CCDC50: variants seen among roughly 807,000 people sequenced by gnomAD.
CCDC50 encodes the protein coiled-coil domain containing 50.
CCDC50 carries 54 observed loss-of-function variants against 70.2 expected under a neutral mutation model. The ratio of observed to expected loss-of-function variants is 0.77; its 90% confidence interval spans 0.62 to 0.96. The LOEUF (loss-of-function observed/expected upper bound fraction) is 0.96. CCDC50 is among the 50% of genes least tolerant of loss of function. CCDC50 has a pLI of 0.00. For synonymous variants in CCDC50, 216 were observed against 198.8 expected, an observed-to-expected ratio of 1.09 and a Z score of -0.73; for missense variants, 558 against 578.7, an observed-to-expected ratio of 0.96 and a Z score of 0.37.
In CCDC50 at chr3:191,375,239, C is replaced by A. The variant is rs115771997; in HGVS notation, c.626C>A (p.Ser209Ter). Residue 209 changes from serine to a stop codon, truncating the protein, a stop_gained, in exon 6 of 12, where the codon TCG becomes TAG. Transcript: ENST00000392455. LOFTEE classifies it high-confidence loss of function. Reference sequence around the variant, plus strand: ...AAGAGATCCCTGTCATCCTCTAGCTCGGGCAAAGGGAGGGACAATCCCCAT... The same window carrying A: ...AAGAGATCCCTGTCATCCTCTAGCTAGGGCAAAGGGAGGGACAATCCCCAT... ...SSKRSLSSSS[S>*]GKGRDNPHIN... The A allele has an allele frequency of 3.1e-6, 5 of 1,613,572 alleles. No homozygotes were observed. The African/African-American group carries it at 6.7e-5, about 22-fold the overall frequency.
chr3:191,380,375 G>T, intron 7 of CCDC50, 101 bp downstream of exon 7: 4 of 809,560 alleles, frequency 4.9e-6, no homozygotes, highest in Non-Finnish European at 8.5e-6. Context: ...TATCAATTGA[G>T]AAACCTTTTT....
At chr3:191,358,848 A>G (rs1218009259) in intron 3 of CCDC50, among the ~76,000 whole-genome samples, 1 of 152,216 alleles carries the variant, frequency 6.6e-6, no homozygotes, top group African/African-American at 2.4e-5. Context: ...GGGTAAAGGA[A>G]AAATGGAAGG....
intron 1 of CCDC50, among the ~76,000 whole-genome samples, chr3:191,354,263 C>T (rs1285967127): frequency 1.3e-5 from 2 of 152,024 alleles, no homozygotes; most frequent in African/African-American, 4.8e-5. Flanking sequence ...CAGAATGGCT[C>T]ATGCAGCTAA....
chr3:191,375,066 A>G lies in CCDC50; in HGVS notation c.453A>G (p.Gln151=), dbSNP rs749468083. The change falls in exon 6 of 12, where the codon CAA becomes CAG. Residue 151 remains glutamine, a synonymous_variant. Coordinates refer to ENST00000392455, the MANE Select transcript of CCDC50 (RefSeq NM_178335.3). ...CATCCCTCTGCCTCCACTCAGACCA[A>G]CCAGGGTCAAGGAGGGCCAGGGAAT... The part of the protein sequence containing the change: ...ADSYYYEDGD[Q]PGSRRARELG... The G allele has an allele frequency of 2.5e-6, 4 of 1,613,350 alleles. No homozygotes were observed. The highest frequency in any genetic ancestry group is 2.2e-5 in the East Asian group (1 of 44,870).
chr3:191,372,161 G>C (rs1176844281), intron 5 of CCDC50, among the ~76,000 whole-genome samples: 1 of 152,136 alleles, frequency 6.6e-6, no homozygotes, highest in Non-Finnish European at 1.5e-5. Flanking sequence ...TAAGAATTAA[G>C]TGGTTTTTCA....
At chr3:191,365,457 T>C (rs1712651928) in intron 4 of CCDC50, among the ~76,000 whole-genome samples, 1 of 152,158 alleles carries the variant, frequency 6.6e-6, no homozygotes, top group Non-Finnish European at 1.5e-5. Context: ...GTATTATAAA[T>C]ATGACTAGAA....
chr3:191,356,851 A>G (rs1261298198), intron 1 of CCDC50, among the ~76,000 whole-genome samples: 1 of 152,228 alleles, frequency 6.6e-6, no homozygotes, highest in Admixed American at 6.5e-5. Flanking sequence ...CCAGGGGCCA[A>G]GGCTAACCAG....
chr3:191,384,675 C>T (rs1369832791), intron 10 of CCDC50, among the ~76,000 whole-genome samples: 1 of 151,370 alleles, frequency 6.6e-6, no homozygotes, highest in Non-Finnish European at 1.5e-5. Context: ...CAAAAATTGC[C>T]ATTTTTATTT....
intron 10 of CCDC50, among the ~76,000 whole-genome samples, chr3:191,388,160 CAG>C (rs1310161550): frequency 1.3e-5 from 2 of 151,466 alleles, no homozygotes; most frequent in Admixed American, 6.6e-5. Flanking sequence ...ATATATAAAA[CAG>C]ATGCATGAAA....
At chr3:191,338,156 C>T (rs753458040) in intron 1 of CCDC50, among the ~76,000 whole-genome samples, 19 of 152,170 alleles carry the variant, frequency 1.2e-4, no homozygotes, top group African/African-American at 4.6e-4. Context: ...CCCTCTTCAC[C>T]GCTTCCCCAT....
intron 6 of CCDC50, among the ~76,000 whole-genome samples, chr3:191,376,767 G>T (rs1231438908): frequency 2.6e-5 from 4 of 152,084 alleles, no homozygotes; most frequent in Admixed American, 2.6e-4. Context: ...ATAAAGAGCT[G>T]CGGAAAAATA....
Position 191,392,478 on chromosome 3 carries a change from T to C in CCDC50, c.*718T>C, listed in dbSNP as rs1432200539. On this transcript the variant is annotated 3_prime_UTR_variant, in exon 12 of 12. Coordinates refer to ENST00000392455, the MANE Select transcript of CCDC50 (RefSeq NM_178335.3). ...GTTCTCTGAAATTTTAACTCATATA[T>C]ATGAAAAACTTTGTATTCCATCTCT... is the stretch of plus-strand genomic sequence containing the variant. The C allele has an allele frequency of 6.6e-6, 1 of 152,226 alleles. No homozygotes were observed. The highest frequency in any genetic ancestry group is 2.4e-5 in the African/African-American group (1 of 41,460). 9.4% of individuals were successfully genotyped at this position (152,226 alleles called of 1,614,324 possible).
chr3:191,358,251 T>G (rs1442580284), intron 3 of CCDC50, 127 bp downstream of exon 3: 1 of 1,210,792 alleles, frequency 8.3e-7, no homozygotes, highest in Non-Finnish European at 1.2e-6. Flanking sequence ...TTACAAATCT[T>G]ACCCTGGATG....
intron 4 of CCDC50, among the ~76,000 whole-genome samples, chr3:191,365,893 T>A (rs7642387): frequency 0.32 from 48,283 of 151,988 alleles, 7,679 homozygotes; most frequent in Non-Finnish European, 0.32. Context: ...AAAATCCAAA[T>A]TCCAAAATGT....
At chr3:191,331,198 C>T (rs542920522) in intron 1 of CCDC50, among the ~76,000 whole-genome samples, 2 of 152,022 alleles carry the variant, frequency 1.3e-5, no homozygotes. Flanking sequence ...GTGTGTAGTG[C>T]ATGGTGAGTA....
chr3:191,370,026 T>C lies in CCDC50; in HGVS notation c.438T>C (p.Tyr146=). The part of the protein sequence containing the change: ...ATRAYADSYY[Y]EDGDQPGSRR... ...GTGCTTATGCAGATAGTTACTATTA[T>C]GAAGATGGAGGTAACAATTCCTGCA... The change falls in exon 5 of 12, where the codon TAT becomes TAC. Residue 146 remains tyrosine, a synonymous_variant. Transcript: ENST00000392455. The C allele has an allele frequency of 6.3e-7, 1 of 1,598,434 alleles. No individual in the cohort carries two copies. Among genetic ancestry groups the C allele is most frequent in the Non-Finnish European group, 8.6e-7 (1 of 1,166,298 alleles).
chr3:191,347,561 G>A (rs1416280707), intron 1 of CCDC50, among the ~76,000 whole-genome samples: 3 of 141,922 alleles, frequency 2.1e-5, no homozygotes, highest in Non-Finnish European at 3.2e-5. Context: ...TTAACTATGC[G>A]ATCTTGGGCA....
chr3:191,344,072 A>G (rs1352958428), intron 1 of CCDC50, among the ~76,000 whole-genome samples: 1 of 152,244 alleles, frequency 6.6e-6, no homozygotes, highest in Non-Finnish European at 1.5e-5. Context: ...AGTGGCTGAC[A>G]CAAGACCAGT....
chr3:191,355,973 C>T (rs1040328995), intron 1 of CCDC50, among the ~76,000 whole-genome samples: 9 of 152,148 alleles, frequency 5.9e-5, no homozygotes, highest in East Asian at 5.8e-4. Context: ...GTGCAAAGAA[C>T]GGCAAAGGAA....
Sources: allele counts gnomAD v4.1 joint callset (sites outside exome capture counted in the v4.1 genomes callset), GRCh38; gene constraint gnomAD v4.1.1; transcripts MANE v1.5; gene names NCBI Gene and HGNC (gene_info 2026-07-23, HGNC 2026-07-21).